Variants in SEMA3D observed in about 807,000 individuals in gnomAD.
SEMA3D encodes the protein semaphorin-3D.
Under a neutral mutation model 100.1 loss-of-function variants are expected in SEMA3D, and 84 were observed. The ratio of observed to expected loss-of-function variants is 0.84; its 90% CI spans 0.70 to 1.01. SEMA3D has a LOEUF of 1.01. Among genes scored for constraint, SEMA3D ranks in the 50% least tolerant of loss-of-function variants. SEMA3D has a pLI of 0.00. For synonymous variants in SEMA3D, 312 were observed against 320.7 expected (o/e 0.97, Z 0.29); for missense variants, 875 against 934.1 (o/e 0.94, Z 0.82).
chr7:85,087,798 T>C (rs1028358768), intron 4 of SEMA3D, among the ~76,000 whole-genome samples: 1 of 152,166 alleles, frequency 6.6e-6, no homozygotes, highest in African/African-American at 2.4e-5. Flanking sequence ...GATTAATTTT[T>C]TCATGCTAAC....
intron 6 of SEMA3D, among the ~76,000 whole-genome samples, chr7:85,069,637 A>T (rs1309023436): frequency 6.6e-6 from 1 of 152,184 alleles, no homozygotes; most frequent in Non-Finnish European, 1.5e-5. Flanking sequence ...ATTATGCAAA[A>T]AGCACCTGTC....
At chr7:85,166,409 G>T (rs546393924) in intron 1 of SEMA3D, among the ~76,000 whole-genome samples, 1 of 152,062 alleles carries the variant, frequency 6.6e-6, no homozygotes, top group Non-Finnish European at 1.5e-5. Flanking sequence ...TGGCAGTGAC[G>T]ATGGAAAGGA....
chr7:85,134,272 T>C (rs916694977), intron 2 of SEMA3D, among the ~76,000 whole-genome samples: 6 of 151,960 alleles, frequency 3.9e-5, no homozygotes, highest in Non-Finnish European at 8.8e-5. Flanking sequence ...CTACTAAATA[T>C]GTTTGAAGAA....
chr7:85,249,689 A>G, the SEMA3D span, among the ~76,000 whole-genome samples: 3 of 152,346 alleles, frequency 2.0e-5, no homozygotes, highest in African/African-American at 7.2e-5. Context: ...ATGTGGTGTT[A>G]ATCAGAACCT....
chr7:85,229,905 ACTT>A, the SEMA3D span, among the ~76,000 whole-genome samples: 1 of 152,130 alleles, frequency 6.6e-6, no homozygotes, highest in Non-Finnish European at 1.5e-5. Context: ...GCTCCAATGT[ACTT>A]CTGCTTTTCA....
At chr7:85,190,470 T>C (rs1163703515), upstream of SEMA3D, among the ~76,000 whole-genome samples, 3 of 152,232 alleles carry the variant, frequency 2.0e-5, no homozygotes, top group Non-Finnish European at 4.4e-5. Flanking sequence ...TTGGAACAAG[T>C]GAGTGCATGA....
the SEMA3D span, among the ~76,000 whole-genome samples, chr7:85,214,614 A>G: frequency 1.3e-5 from 2 of 152,018 alleles, no homozygotes; most frequent in Non-Finnish European, 2.9e-5. Flanking sequence ...TTACTGCCTC[A>G]GCCTCCCGAG....
chr7:85,130,313 A>T (rs1789690890), intron 2 of SEMA3D, among the ~76,000 whole-genome samples: 1 of 152,310 alleles, frequency 6.6e-6, no homozygotes, highest in East Asian at 1.9e-4. Context: ...CAAATGAAAG[A>T]ATTGTCCAGC....
chr7:85,139,750 T>C (rs1016064523), intron 2 of SEMA3D, among the ~76,000 whole-genome samples: 4 of 152,046 alleles, frequency 2.6e-5, no homozygotes, highest in African/African-American at 4.8e-5. Context: ...TTCAGAGATA[T>C]TGAAGTGAGA....
intron 18 of SEMA3D, among the ~76,000 whole-genome samples, chr7:85,003,731 G>A (rs1031629914): frequency 6.6e-6 from 1 of 151,694 alleles, no homozygotes; most frequent in Non-Finnish European, 1.5e-5. Context: ...AAATACAACC[G>A]AAGCCAACAA....
chr7:85,117,155 C>T (rs1229478693), intron 3 of SEMA3D, among the ~76,000 whole-genome samples: 1 of 152,116 alleles, frequency 6.6e-6, no homozygotes, highest in African/African-American at 2.4e-5. Context: ...TAAATATACG[C>T]ACTTGAGGCC....
chr7:85,166,881 A>G (rs777979234), intron 1 of SEMA3D, among the ~76,000 whole-genome samples: 4 of 152,038 alleles, frequency 2.6e-5, no homozygotes, highest in Non-Finnish European at 5.9e-5. Context: ...TTTAAAGTGG[A>G]TAAGAAAACA....
the SEMA3D span, among the ~76,000 whole-genome samples, chr7:85,228,147 A>G: frequency 6.6e-6 from 1 of 152,238 alleles, no homozygotes; most frequent in South Asian, 2.1e-4. Flanking sequence ...TGACTTGTGT[A>G]TCTTTTACTT....
chr7:85,068,558 C>G (rs1381954237), intron 6 of SEMA3D, among the ~76,000 whole-genome samples: 2 of 152,056 alleles, frequency 1.3e-5, no homozygotes, highest in Non-Finnish European at 2.9e-5. Flanking sequence ...CATTTAGTCT[C>G]CACAATTATC....
the SEMA3D span, among the ~76,000 whole-genome samples, chr7:85,211,139 G>T: frequency 1.3e-5 from 2 of 152,048 alleles, no homozygotes; most frequent in Non-Finnish European, 2.9e-5. Context: ...TTTAACCAAA[G>T]AGGATGAATG....
the SEMA3D span, among the ~76,000 whole-genome samples, chr7:85,214,616 C>A: frequency 6.6e-6 from 1 of 152,048 alleles, no homozygotes; most frequent in Non-Finnish European, 1.5e-5. Context: ...ACTGCCTCAG[C>A]CTCCCGAGTA....
rs56131427 is a variant in SEMA3D, at chr7:85,055,645, CATATATATATATATATATAT to C, written c.861+52_861+71del. On this transcript the variant is annotated intron_variant, in intron 9 of 18. Transcript: ENST00000284136. ...AACCTTGCCAAAGTTTTTTCATATA[CATATATATATATATATATAT>C]ATATATATATATATATATATGTTTT... 2.4e-3 allele frequency: 377 copies of C among 159,482 alleles called. 3 individuals are homozygous for C. Among genetic ancestry groups the C allele is most frequent in the Non-Finnish European group, 2.8e-3 (268 of 96,470 alleles). 9.9% of individuals were successfully genotyped at this position (159,482 alleles called of 1,614,324 possible).
rs547968593 is a variant in SEMA3D at position 85,144,011 on chromosome 7, C to T, written c.-41+9597G>A. Among the ~76,000 whole-genome samples, 6 of 151,510 alleles carry T rather than the reference C, an allele frequency of 4.0e-5. No homozygotes were observed. The East Asian group carries it at 5.8e-4, about 15-fold the overall frequency. On this transcript the variant is annotated intron_variant, in intron 2 of 18. Coordinates refer to ENST00000284136, the MANE Select transcript of SEMA3D (RefSeq NM_001384900.1). ...CAGGCATGAGGCACCGAGCCTGGCC[C>T]GAGACTTGTAATTTTAAATTTTCTT...
chr7:85,220,475 GT>G, the SEMA3D span, among the ~76,000 whole-genome samples: 1 of 151,772 alleles, frequency 6.6e-6, no homozygotes, highest in Non-Finnish European at 1.5e-5. Flanking sequence ...TTATGAATGG[GT>G]CAGTCATATG....
Sources: allele counts gnomAD v4.1 joint callset (sites outside exome capture counted in the v4.1 genomes callset), GRCh38; gene constraint gnomAD v4.1.1; transcripts MANE v1.5; gene names NCBI Gene and HGNC (gene_info 2026-07-23, HGNC 2026-07-21).